Variants in REV3L observed in about 807,000 individuals in gnomAD.
REV3L encodes the protein REV3 like, DNA directed polymerase zeta catalytic subunit, also known as DNA polymerase zeta catalytic subunit.
REV3L carries 69 observed loss-of-function variants against 299.4 expected under a neutral mutation model. That is an observed-to-expected ratio of 0.23 (90% CI 0.19 to 0.28). REV3L has a LOEUF of 0.28. Ranked by LOEUF, REV3L falls within the 10% of genes least tolerant of loss-of-function variation. The probability of loss-of-function intolerance (pLI) is 1.00; values close to 1 mark genes in which losing one functional copy is unlikely to be tolerated. For missense variants in REV3L, 3,128 were observed against 3,693.8 expected, an observed-to-expected ratio of 0.85 and a Z score of 3.97; for synonymous variants, 1,238 against 1,271.4, an observed-to-expected ratio of 0.97 and a Z score of 0.56.
intron 31 of REV3L, among the ~76,000 whole-genome samples, chr6:111,302,866 A>G (rs1771732527): frequency 6.6e-6 from 1 of 152,138 alleles, no homozygotes; most frequent in South Asian, 2.1e-4. Context: ...TGCACCAACT[A>G]CACTCCAGCC....
chr6:111,349,512 T>C (rs1292629031), intron 19 of REV3L, among the ~76,000 whole-genome samples, 176 bp from the exon 20 acceptor site: 8 of 152,160 alleles, frequency 5.3e-5, no homozygotes, highest in Non-Finnish European at 1.0e-4. Context: ...CCTCCCTCCT[T>C]CTTTCTATAT....
At chr6:111,394,423 AT>A (rs1293448066) in intron 4 of REV3L, among the ~76,000 whole-genome samples, 2 of 152,130 alleles carry the variant, frequency 1.3e-5, no homozygotes, top group Non-Finnish European at 2.9e-5. Flanking sequence ...CCTGCCGGCC[AT>A]TTGTATGTCT....
At position 111,374,250 on chromosome 6, in the gene REV3L, C is replaced by T; in HGVS notation, c.4105G>A (p.Ala1369Thr). The stretch of plus-strand genomic sequence containing the variant: ...CCAGAAGATATCTGTGTATTCTGTG[C>T]TACCTGAGATAAATGATTGGAAAGG... ...FDLSNHLSQV[A>T]QNTQISSGMS... The change falls in exon 13 of 32, where the codon GCA becomes ACA. Residue 1369 changes from alanine (A) to threonine (T), a missense_variant. Ala to Thr is a moderately conservative substitution (Grantham distance 58). Coordinates refer to ENST00000368802, the MANE Select transcript of REV3L (RefSeq NM_001372078.1). The T allele has an allele frequency of 3.7e-6, 6 of 1,613,348 alleles. No individual in the cohort carries two copies. Among genetic ancestry groups the T allele is most frequent in the Non-Finnish European group, 5.1e-6 (6 of 1,179,384 alleles).
At chr6:111,425,222 G>C (rs927748527) in intron 1 of REV3L, among the ~76,000 whole-genome samples, 10 of 152,164 alleles carry the variant, frequency 6.6e-5, no homozygotes, top group African/African-American at 2.4e-4. Context: ...GTTTTGGGAG[G>C]CCGAGGCGGG....
chr6:111,400,862 TATTTTA>T (rs967816686), intron 4 of REV3L, among the ~76,000 whole-genome samples: 11 of 152,176 alleles, frequency 7.2e-5, no homozygotes, highest in African/African-American at 2.4e-4. Context: ...GTTTGTGAAG[TATTTTA>T]ATTATTATTT....
At position 111,406,799 on chromosome 6, in the gene REV3L, A is replaced by G. The variant is rs147842569; in HGVS notation, c.405-1169T>C. ...ATTTAGGTATAGTGGGGATCCAATA[A>G]TAATATTGGAAATGAATCATAAAGA... On this transcript the variant is annotated intron_variant, in intron 3 of 31. Transcript: ENST00000368802. Among the ~76,000 whole-genome samples, 27 of 152,324 alleles carry G rather than the reference A, an allele frequency of 1.8e-4. No individual in the cohort carries two copies. The East Asian group carries it at 4.6e-3, about 26-fold the overall frequency.
At chr6:111,327,968 T>C (rs923823330) in intron 25 of REV3L, among the ~76,000 whole-genome samples, 2 of 152,194 alleles carry the variant, frequency 1.3e-5, no homozygotes, top group African/African-American at 4.8e-5. Context: ...ACTGAACTAA[T>C]GCAAATATGA....
intron 1 of REV3L, among the ~76,000 whole-genome samples, chr6:111,456,300 G>A (rs971585986): frequency 2.6e-5 from 4 of 152,168 alleles, no homozygotes; most frequent in Admixed American, 1.3e-4. Flanking sequence ...GTTGTCAACA[G>A]AAGCTTGACC....
upstream of REV3L, chr6:111,483,460 G>A (rs1230047104): frequency 2.0e-6 from 1 of 509,718 alleles, no homozygotes. Context: ...CGGTCACCTG[G>A]GTGAGGGGCA....
In REV3L at chr6:111,313,190, AC is replaced by A. The variant is rs17540172; in HGVS notation, c.8604+161del. 1.1e-4 allele frequency: 64 copies of A among 578,664 alleles called. No homozygotes were observed. The African/African-American group carries it at 1.2e-3, about 11-fold the overall frequency. 35.8% of individuals were successfully genotyped at this position (578,664 alleles called of 1,614,324 possible). The stretch of plus-strand genomic sequence containing the variant: ...ACAAACAAAAACAAAATAAGACACT[AC>A]AAATAAAATTCTCAAAATTCATGTA... On this transcript the variant is annotated intron_variant, in intron 28 of 31. Coordinates refer to ENST00000368802, the MANE Select transcript of REV3L (RefSeq NM_001372078.1).
chr6:111,337,851 T>C (rs747722873), intron 21 of REV3L, among the ~76,000 whole-genome samples: 2 of 152,128 alleles, frequency 1.3e-5, no homozygotes, highest in Non-Finnish European at 2.9e-5. Context: ...AAAATGGATT[T>C]AATGGCTCAC....
chr6:111,433,344 G>A (rs77793885), intron 1 of REV3L, among the ~76,000 whole-genome samples: 6,592 of 151,662 alleles, frequency 0.043, 470 homozygotes, highest in African/African-American at 0.15. Flanking sequence ...AATAAAACCA[G>A]AAACAAAAGA....
At chr6:111,402,621 T>A (rs948583566) in intron 4 of REV3L, among the ~76,000 whole-genome samples, 1 of 152,206 alleles carries the variant, frequency 6.6e-6, no homozygotes, top group African/African-American at 2.4e-5. Context: ...TAGCCCACTA[T>A]TCACGGCAAC....
chr6:111,478,044 T>C (rs757516587), intron 1 of REV3L, among the ~76,000 whole-genome samples: 2 of 152,342 alleles, frequency 1.3e-5, no homozygotes, highest in South Asian at 2.1e-4. Context: ...GATTCTAATA[T>C]ACATTGCCAA....
intron 21 of REV3L, among the ~76,000 whole-genome samples, chr6:111,336,635 T>C (rs935157175): frequency 6.6e-6 from 1 of 152,170 alleles, no homozygotes; most frequent in African/African-American, 2.4e-5. Flanking sequence ...CAGTTAAACA[T>C]AGAGTTACCA....
At chr6:111,331,043 G>A (rs1775326492) in intron 24 of REV3L, 1 of 982,562 alleles carries the variant, frequency 1.0e-6, no homozygotes, top group African/African-American at 1.7e-5. Flanking sequence ...CATGATTCTA[G>A]TACAGACTCA....
chr6:111,358,748 T>G (rs1237624047), intron 17 of REV3L, 74 bp downstream of exon 17: 2 of 1,190,570 alleles, frequency 1.7e-6, no homozygotes, highest in Non-Finnish European at 2.4e-6. Flanking sequence ...GATTAGATCT[T>G]CAGCACAGGA....
At chr6:111,310,194 T>C in intron 29 of REV3L, 95 bp from the exon 30 acceptor site, 1 of 1,377,510 alleles carries the variant, frequency 7.3e-7, no homozygotes, top group Non-Finnish European at 9.6e-7. Context: ...AATAAAACAA[T>C]GAAAAAACTA....
In REV3L at chr6:111,367,111, T is replaced by C. The variant is rs1343991431; in HGVS notation, c.6673+4A>G. ...TGGAGACTTCCTGTTATTTGTACAC[T>C]TACCTGTTGATAATGGGCTAAGGCC... On this transcript the variant is annotated splice_donor_region_variant and intron_variant, in intron 14 of 31. Transcript: ENST00000368802. 1 of 1,560,876 alleles carries C rather than the reference T, an allele frequency of 6.4e-7. No homozygotes were observed. The highest frequency in any genetic ancestry group is 8.6e-7 in the Non-Finnish European group (1 of 1,157,598).
Sources: gnomAD v4.1 joint callset for allele counts (sites outside exome capture counted in the v4.1 genomes callset) on GRCh38, gnomAD v4.1.1 for gene constraint, MANE v1.5 for transcripts, NCBI Gene and HGNC (gene_info 2026-07-23, HGNC 2026-07-21) for gene names.